CCDC178: variants seen among roughly 807,000 people sequenced by gnomAD.
CCDC178 encodes coiled-coil domain-containing protein 178.
Under a neutral mutation model 117.4 loss-of-function variants are expected in CCDC178, and 126 were observed. That is an observed-to-expected ratio of 1.07 (90% CI 0.93 to 1.24). The LOEUF (loss-of-function observed/expected upper bound fraction) is 1.24, where lower values mean the gene tolerates loss of function less well. CCDC178 is among the 50% of genes most tolerant of loss of function. The pLI is 0.00. For missense variants in CCDC178, 1,030 were observed against 986.9 expected (o/e 1.04, Z -0.59); for synonymous variants, 283 against 313.4 (o/e 0.90, Z 1.02).
chr18:33,240,790 A>G (rs1490165080), intron 15 of CCDC178, among the ~76,000 whole-genome samples: 1 of 151,922 alleles, frequency 6.6e-6, no homozygotes, highest in East Asian at 1.9e-4. Flanking sequence ...CAGAATTGAA[A>G]CAATTTCTTC....
chr18:33,333,187 T>C lies in CCDC178; in HGVS notation c.866A>G (p.Lys289Arg). 6.3e-7 allele frequency: 1 copy of C among 1,588,914 alleles called. No individual in the cohort carries two copies. The change falls in exon 10 of 23, where the codon AAA becomes AGA. Residue 289 changes from lysine (K) to arginine (R), a missense_variant. Physicochemically the swap from Lys to Arg is conservative, Grantham distance 26. Transcript: ENST00000383096. ...TCGTTTATTTACCTCCATTTTTTTT[T>C]TATAATGGTTCTTCAGATCTTGAAG... ...QELQDLKNHY[K>R]KKMEVMDLHR... is the part of the protein sequence containing the mutation.
chr18:33,133,384 T>C (rs1381323612), intron 20 of CCDC178, among the ~76,000 whole-genome samples: 1 of 151,876 alleles, frequency 6.6e-6, no homozygotes, highest in Admixed American at 6.6e-5. Flanking sequence ...AGAAAATACA[T>C]AAATTTGATC....
chr18:32,959,692 T>G (rs2054667781), intron 22 of CCDC178, among the ~76,000 whole-genome samples: 1 of 152,076 alleles, frequency 6.6e-6, no homozygotes, highest in Admixed American at 6.6e-5. Flanking sequence ...TAATCTCACA[T>G]CAAAGCAGCA....
chr18:32,991,398 T>C (rs1483367194), intron 21 of CCDC178, among the ~76,000 whole-genome samples: 1 of 152,136 alleles, frequency 6.6e-6, no homozygotes, highest in Non-Finnish European at 1.5e-5. Context: ...AAACTGGACT[T>C]CACCAGTAAG....
chr18:33,135,189 G>A (rs1709767636), intron 20 of CCDC178, among the ~76,000 whole-genome samples: 1 of 151,978 alleles, frequency 6.6e-6, no homozygotes, highest in Admixed American at 6.6e-5. Flanking sequence ...ATAATAAAAA[G>A]AGCACCTTGG....
At chr18:33,285,644 C>T (rs973016452) in intron 12 of CCDC178, among the ~76,000 whole-genome samples, 1 of 152,080 alleles carries the variant, frequency 6.6e-6, no homozygotes, top group African/African-American at 2.4e-5. Flanking sequence ...CAGAGTTCAT[C>T]TAATGAATTT....
chr18:33,224,722 T>G (rs2059280798), intron 17 of CCDC178, 53 bp downstream of exon 17: 1 of 1,153,298 alleles, frequency 8.7e-7, no homozygotes, highest in African/African-American at 1.6e-5. Context: ...CATGCGTAAC[T>G]TACTAACGTA....
intron 21 of CCDC178, among the ~76,000 whole-genome samples, chr18:33,024,768 C>T (rs898872920): frequency 5.9e-5 from 9 of 151,690 alleles, no homozygotes; most frequent in Non-Finnish European, 1.3e-4. Flanking sequence ...CTCAGCCTCC[C>T]GAGTAGCTGG....
intron 20 of CCDC178, among the ~76,000 whole-genome samples, chr18:33,197,460 G>A (rs1276386305): frequency 6.6e-6 from 1 of 152,038 alleles, no homozygotes; most frequent in Non-Finnish European, 1.5e-5. Context: ...GTGGGGTAGT[G>A]GGGGTTAGTA....
intron 21 of CCDC178, among the ~76,000 whole-genome samples, chr18:33,065,649 C>G (rs974296732): frequency 6.6e-6 from 1 of 152,034 alleles, no homozygotes; most frequent in Non-Finnish European, 1.5e-5. Flanking sequence ...CAACTGGCAA[C>G]AATGAGACAA....
At chr18:33,288,994 T>C (rs1377046369) in intron 12 of CCDC178, among the ~76,000 whole-genome samples, 1 of 152,184 alleles carries the variant, frequency 6.6e-6, no homozygotes. Flanking sequence ...CTCATACTAC[T>C]ATCTATTTAA....
In CCDC178 at chr18:33,389,624, C is replaced by T. The variant is rs12606658; in HGVS notation, c.124G>A (p.Ala42Thr). The change falls in exon 5 of 23, where the codon GCC (alanine) becomes ACC (threonine). Residue 42 changes from alanine to threonine, a missense_variant. Ala to Thr is a moderately conservative substitution (Grantham distance 58). Transcript: ENST00000383096. ...TATAGAACCAAACTTTGAGACATGG[C>T]ATTGCCTTTTAAAAAGAAAAAATAC... Reference protein sequence around the residue: ...KAWSRTNEGNAMSQSLVLYGA... With the variant: ...KAWSRTNEGNTMSQSLVLYGA... The T allele has an allele frequency of 8.5e-4, 1,254 of 1,478,028 alleles. 18 individuals are homozygous for T. In the East Asian group the frequency reaches 0.022, roughly 26 times the overall value. 91.6% of individuals were successfully genotyped at this position (1,478,028 alleles called of 1,614,324 possible).
rs558979928 is a variant in CCDC178, at chr18:33,117,012, G to A, written c.2239-24102C>T. ...GGTCTGGATGGAGAAAAAGCCAGGG[G>A]CATGAATCTATATCAATTGATGGTC... On this transcript the variant is annotated intron_variant, in intron 20 of 22. Transcript: ENST00000383096. Among the ~76,000 whole-genome samples the A allele has an allele frequency of 7.2e-5, 11 of 152,164 alleles. No homozygotes were observed. In the East Asian group the frequency reaches 2.1e-3, roughly 30 times the overall value.
At chr18:33,275,475 A>C (rs2059937109) in intron 12 of CCDC178, among the ~76,000 whole-genome samples, 1 of 151,580 alleles carries the variant, frequency 6.6e-6, no homozygotes, top group South Asian at 2.1e-4. Context: ...AAATAATTGA[A>C]TACATTGTCA....
intron 5 of CCDC178, among the ~76,000 whole-genome samples, chr18:33,383,627 G>A (rs577924556): frequency 6.6e-6 from 1 of 152,060 alleles, no homozygotes; most frequent in African/African-American, 2.4e-5. Flanking sequence ...AGAGGGGCCT[G>A]ACTATTAGAT....
At chr18:32,955,550 T>A (rs1268028104) in intron 22 of CCDC178, among the ~76,000 whole-genome samples, 23 of 152,206 alleles carry the variant, frequency 1.5e-4, no homozygotes, top group Admixed American at 1.5e-3. Context: ...CATCTTTATA[T>A]CTGTCTGTAT....
intron 20 of CCDC178, among the ~76,000 whole-genome samples, chr18:33,190,417 G>A (rs2058843424): frequency 6.6e-6 from 1 of 152,106 alleles, no homozygotes; most frequent in South Asian, 2.1e-4. Flanking sequence ...CCACACTATT[G>A]AGCAGAGACT....
chr18:33,134,077 T>C (rs1391370826), intron 20 of CCDC178, among the ~76,000 whole-genome samples: 1 of 151,862 alleles, frequency 6.6e-6, no homozygotes, highest in Non-Finnish European at 1.5e-5. Flanking sequence ...TTAAAGAACA[T>C]GTACAAAATG....
intron 20 of CCDC178, among the ~76,000 whole-genome samples, chr18:33,200,766 T>C (rs1380718272): frequency 1.3e-5 from 2 of 152,182 alleles, no homozygotes; most frequent in Non-Finnish European, 2.9e-5. Context: ...ACTCTGTGCT[T>C]AATTCAAGAA....
Sources: gnomAD v4.1 joint callset for allele counts (sites outside exome capture counted in the v4.1 genomes callset) on GRCh38, gnomAD v4.1.1 for gene constraint, MANE v1.5 for transcripts, NCBI Gene and HGNC (gene_info 2026-07-23, HGNC 2026-07-21) for gene names.